The following CELF2 variants were observed in gnomAD, a reference collection of about 807,000 sequenced individuals.
CELF2 encodes CUG triplet repeat RNA-binding protein 2.
In CELF2, 8 loss-of-function variants were observed where a neutral mutation model predicts 62.6. The observed-to-expected ratio is 0.13, with a 90% CI of 0.07 to 0.23. The LOEUF (loss-of-function observed/expected upper bound fraction) is 0.23, where lower values mean the gene tolerates loss of function less well. Ranked by LOEUF, CELF2 falls within the 10% of genes least tolerant of loss-of-function variation. The probability of loss-of-function intolerance (pLI) is 1.00; values close to 1 mark genes in which losing one functional copy is unlikely to be tolerated. For missense variants in CELF2, 333 were observed against 671.0 expected, an observed-to-expected ratio of 0.50 and a Z score of 5.56; for synonymous variants, 258 against 250.0, an observed-to-expected ratio of 1.03 and a Z score of -0.30.
the CELF2 span, among the ~76,000 whole-genome samples, chr10:10,545,332 C>T: frequency 6.6e-6 from 1 of 152,158 alleles, no homozygotes. Context: ...AGCAGTTGCC[C>T]TGAGACATCA....
chr10:11,051,328 T>C (rs1402972992), intron 1 of CELF2, among the ~76,000 whole-genome samples: 1 of 152,240 alleles, frequency 6.6e-6, no homozygotes, highest in Non-Finnish European at 1.5e-5. Context: ...ACATGTTAAA[T>C]ATTGAAAACA....
In CELF2 at chr10:10,886,014, G is replaced by T. The variant is rs114730240; in HGVS notation, c.54-33950G>T. Reference sequence around the variant, plus strand: ...GGAAGAACATGAGTCCATATCTCATGATAGCAGAAAGAACTCATCTTTCCC... The same window carrying T: ...GGAAGAACATGAGTCCATATCTCATTATAGCAGAAAGAACTCATCTTTCCC... On this transcript the variant is annotated intron_variant, in intron 1 of 13. Transcript: ENST00000636488. Among the ~76,000 whole-genome samples, 699 of 152,322 alleles carry T rather than the reference G, an allele frequency of 4.6e-3. 9 individuals are homozygous for T. The highest frequency in any genetic ancestry group is 0.016 in the African/African-American group (673 of 41,580).
chr10:11,088,827 A>G (rs1049982071), intron 1 of CELF2, among the ~76,000 whole-genome samples: 1 of 152,162 alleles, frequency 6.6e-6, no homozygotes, highest in Non-Finnish European at 1.5e-5. Context: ...AATTCAAATG[A>G]CAGGTGACTC....
intron 1 of CELF2, among the ~76,000 whole-genome samples, chr10:10,896,960 T>C (rs1320883195): frequency 6.6e-6 from 1 of 152,102 alleles, no homozygotes; most frequent in Non-Finnish European, 1.5e-5. Flanking sequence ...TTGATTTTGG[T>C]ACTGGGAAAT....
At chr10:11,277,160 C>G (rs1301093271) in intron 8 of CELF2, among the ~76,000 whole-genome samples, 4 of 152,298 alleles carry the variant, frequency 2.6e-5, no homozygotes, top group African/African-American at 9.6e-5. Context: ...TCTCCTCTTC[C>G]TACGTATTTG....
At chr10:11,187,573 G>A (rs1458616055) in intron 2 of CELF2, among the ~76,000 whole-genome samples, 1 of 105,774 alleles carries the variant, frequency 9.5e-6, no homozygotes, top group African/African-American at 4.6e-5. Context: ...CACTAAGGTC[G>A]CCCCCCCCCC....
At chr10:11,225,120 TGAAG>T (rs149013904) in intron 3 of CELF2, among the ~76,000 whole-genome samples, 4,338 of 151,698 alleles carry the variant, frequency 0.029, 210 homozygotes, top group African/African-American at 0.099. Flanking sequence ...GGTTTGATAA[TGAAG>T]GAATATTTCA....
rs575002142 is a variant in CELF2 at position 11,285,015 on chromosome 10, G to A, written c.842-3403G>A. ...GGATGTGTGGATGACGGATGGGTGG[G>A]AGGATAGTGGATCTGTGGATGGATA... On this transcript the variant is annotated intron_variant, in intron 8 of 12. Transcript: ENST00000633077. The surrounding 1 kb of genome is among the most constrained non-coding windows in gnomAD (Gnocchi z 4.3). 6.6e-6 allele frequency among the ~76,000 whole-genome samples: 1 copy of A among 151,098 alleles called. No homozygotes were observed. Among genetic ancestry groups the A allele is most frequent in the East Asian group, 2.0e-4 (1 of 5,066 alleles).
chr10:10,577,694 A>G, the CELF2 span, among the ~76,000 whole-genome samples: 1 of 151,912 alleles, frequency 6.6e-6, no homozygotes, highest in African/African-American at 2.4e-5. Flanking sequence ...TGAACTCATC[A>G]TTTTTTATGG....
At chr10:11,047,458 A>T (rs1042807551) in intron 1 of CELF2, among the ~76,000 whole-genome samples, 1 of 152,182 alleles carries the variant, frequency 6.6e-6, no homozygotes. Flanking sequence ...GCTGTTGTGC[A>T]TTGTGGGTAT....
chr10:10,617,051 C>G, the CELF2 span, among the ~76,000 whole-genome samples: 1 of 152,126 alleles, frequency 6.6e-6, no homozygotes, highest in Admixed American at 6.5e-5. Context: ...GCCACTGAAC[C>G]CAATCCCCAA....
At chr10:11,204,929 G>C (rs1278366104) in intron 2 of CELF2, among the ~76,000 whole-genome samples, 1 of 152,128 alleles carries the variant, frequency 6.6e-6, no homozygotes, top group African/African-American at 2.4e-5. Context: ...GTGAAACCTG[G>C]GTGTGCTCCT....
At chr10:10,690,705 C>A in the CELF2 span, among the ~76,000 whole-genome samples, 1 of 152,040 alleles carries the variant, frequency 6.6e-6, no homozygotes, top group Non-Finnish European at 1.5e-5. Flanking sequence ...GATGGTGAAA[C>A]CCCATCTCTA....
chr10:10,997,844 C>T lies in CELF2; in HGVS notation c.89+77845C>T, dbSNP rs968645476. Among the ~76,000 whole-genome samples the T allele has an allele frequency of 3.3e-5, 5 of 152,148 alleles. No individual in the cohort carries two copies. Among genetic ancestry groups the T allele is most frequent in the African/African-American group, 1.2e-4 (5 of 41,444 alleles). On this transcript the variant is annotated intron_variant, in intron 2 of 13. Coordinates refer to the CELF2 transcript ENST00000636488. The surrounding 1 kb of genome is among the most constrained non-coding windows in gnomAD (Gnocchi z 5.3). ...CTCGAGACTCTTCCAAGTTCTGAGTCCATGCTTCATGCTTGATATGGTTTG... is the reference window on the plus strand; with the variant it reads ...CTCGAGACTCTTCCAAGTTCTGAGTTCATGCTTCATGCTTGATATGGTTTG...
intron 2 of CELF2, among the ~76,000 whole-genome samples, chr10:11,167,751 G>A (rs889040685): frequency 2.6e-5 from 4 of 152,208 alleles, no homozygotes; most frequent in Admixed American, 2.0e-4. Flanking sequence ...GGCCTGATGA[G>A]GGAAGTTTTT....
At chr10:10,630,783 A>C in the CELF2 span, among the ~76,000 whole-genome samples, 1 of 152,220 alleles carries the variant, frequency 6.6e-6, no homozygotes, top group Non-Finnish European at 1.5e-5. Flanking sequence ...CCTTGGAATT[A>C]CTGAATTATG....
intron 2 of CELF2, chr10:11,169,050 T>C (rs1326859042): frequency 6.6e-6 from 1 of 152,242 alleles, no homozygotes; most frequent in Non-Finnish European, 1.5e-5. Context: ...CTCTACTGCT[T>C]CTTTGCTACG....
At chr10:10,849,530 C>G (rs2059244989) in intron 1 of CELF2, among the ~76,000 whole-genome samples, 1 of 152,156 alleles carries the variant, frequency 6.6e-6, no homozygotes, top group Non-Finnish European at 1.5e-5. Flanking sequence ...ATACATACTA[C>G]CTTCTGAATC....
intron 1 of CELF2, among the ~76,000 whole-genome samples, chr10:11,085,722 T>A (rs1172041687): frequency 6.6e-6 from 1 of 152,112 alleles, no homozygotes; most frequent in African/African-American, 2.4e-5. Context: ...TATTGGGAGT[T>A]TTTTGTCCCC....
Sources: allele counts gnomAD v4.1 joint callset (sites outside exome capture counted in the v4.1 genomes callset), GRCh38; gene constraint gnomAD v4.1.1; non-coding constraint Gnocchi (gnomAD v3.1); transcripts MANE v1.5; gene names NCBI Gene and HGNC (gene_info 2026-07-23, HGNC 2026-07-21).